The following HACD3 variants were observed in gnomAD, a reference collection of about 807,000 sequenced individuals.
The protein encoded by HACD3 is very-long-chain (3R)-3-hydroxyacyl-CoA dehydratase 3.
A neutral mutation model predicts 55.2 loss-of-function variants in HACD3; 30 were observed. The observed-to-expected ratio is 0.54, with a 90% CI of 0.41 to 0.74. The LOEUF (loss-of-function observed/expected upper bound fraction) is 0.74, where lower values mean the gene tolerates loss of function less well. HACD3 is among the 30% of genes least tolerant of loss of function. HACD3 has a pLI of 0.00. For synonymous variants in HACD3, 141 were observed against 151.7 expected (o/e 0.93, Z 0.52); for missense variants, 363 against 440.1 (o/e 0.82, Z 1.57).
At chr15:65,545,715 A>T (rs956063884) in intron 1 of HACD3, among the ~76,000 whole-genome samples, 4 of 151,586 alleles carry the variant, frequency 2.6e-5, no homozygotes, top group African/African-American at 4.8e-5. Context: ...CGGCCTCCCA[A>T]AGTGCTGGGA....
At chr15:65,530,809 G>A in intron 1 of HACD3, 91 bp downstream of exon 1, 1 of 1,274,984 alleles carries the variant, frequency 7.8e-7, no homozygotes, top group Non-Finnish European at 1.1e-6. Flanking sequence ...CGTGCGCGCC[G>A]GAGAGCCTGC....
At chr15:65,540,598 A>G (rs2072010870) in intron 1 of HACD3, among the ~76,000 whole-genome samples, 1 of 152,184 alleles carries the variant, frequency 6.6e-6, no homozygotes, top group Admixed American at 6.5e-5. Flanking sequence ...AGGAGCAGAA[A>G]GGATATTAGT....
In HACD3 at chr15:65,545,943, C is replaced by A. The variant is rs1596207650; in HGVS notation, c.88-5733C>A. 3.3e-5 allele frequency among the ~76,000 whole-genome samples: 5 copies of A among 152,330 alleles called. No homozygotes were observed. The South Asian group carries it at 1.0e-3, about 32-fold the overall frequency. On this transcript the variant is annotated intron_variant, in intron 1 of 10. Coordinates refer to ENST00000261875, the MANE Select transcript of HACD3 (RefSeq NM_016395.4). ...CTCTTTGTAAGAGAACTGCCAGCTTCCGCTTCTTCTCTCTTAGACCACTTG... is the reference window on the plus strand; with the variant it reads ...CTCTTTGTAAGAGAACTGCCAGCTTACGCTTCTTCTCTCTTAGACCACTTG...
At chr15:65,540,200 T>C (rs1224278431) in intron 1 of HACD3, among the ~76,000 whole-genome samples, 2 of 152,192 alleles carry the variant, frequency 1.3e-5, no homozygotes, top group Non-Finnish European at 2.9e-5. Flanking sequence ...ATTACCACAG[T>C]ACAAAAACTA....
At chr15:65,555,174 A>G (rs1630765) in intron 3 of HACD3, among the ~76,000 whole-genome samples, 143,136 of 152,154 alleles carry the variant, frequency 0.94, 67,329 homozygotes, top group Admixed American at 0.96. Context: ...ATTTATTAGC[A>G]GTGTGATCTT....
chr15:65,535,988 C>T (rs1004448341), intron 1 of HACD3, among the ~76,000 whole-genome samples: 1 of 151,842 alleles, frequency 6.6e-6, no homozygotes, highest in African/African-American at 2.4e-5. Context: ...CTGTGCCTAG[C>T]CTTGATGTTA....
At chr15:65,544,925 G>T (rs910293064) in intron 1 of HACD3, among the ~76,000 whole-genome samples, 7 of 151,970 alleles carry the variant, frequency 4.6e-5, no homozygotes, top group Non-Finnish European at 1.0e-4. Flanking sequence ...GGAGGCTGAG[G>T]CAGGAGAATT....
intron 5 of HACD3, among the ~76,000 whole-genome samples, chr15:65,560,517 G>T (rs1382219503): frequency 6.6e-6 from 1 of 152,190 alleles, no homozygotes; most frequent in Non-Finnish European, 1.5e-5. Flanking sequence ...CCCAGATCAG[G>T]CCAAGTATGA....
At chr15:65,558,879 T>A in intron 5 of HACD3, 148 bp downstream of exon 5, 2 of 865,048 alleles carry the variant, frequency 2.3e-6, no homozygotes, top group Non-Finnish European at 3.7e-6. Context: ...GTCCAGTGCT[T>A]AAGGTCTGCA....
At chr15:65,559,807 T>A (rs1001437611) in intron 5 of HACD3, among the ~76,000 whole-genome samples, 5 of 152,138 alleles carry the variant, frequency 3.3e-5, no homozygotes, top group Admixed American at 3.3e-4. Flanking sequence ...TTTAAATTAA[T>A]GTTTTGGTGT....
rs1357373984 is a variant in HACD3 at position 65,556,859 on chromosome 15, C to A, written c.325C>A (p.Arg109Ser). ...ACTGTTTTTGGCTCCTGACTTTGAT[C>A]GTTGGCTGGATGAATCTGATGCGGA... ...RPLFLAPDFD[R>S]WLDESDAEME... The change falls in exon 4 of 11, where the codon CGT (arginine) becomes AGT (serine). Residue 109 changes from arginine to serine, a missense_variant. By Grantham distance (110) the Arg-to-Ser change is moderately radical (BLOSUM62 -1). Coordinates refer to ENST00000261875, the MANE Select transcript of HACD3 (RefSeq NM_016395.4). 6.2e-7 allele frequency: 1 copy of A among 1,612,990 alleles called. No individual in the cohort carries two copies. Among genetic ancestry groups the A allele is most frequent in the Non-Finnish European group, 8.5e-7 (1 of 1,179,444 alleles).
chr15:65,578,057 T>C lies in HACD3; in HGVS notation c.*1678T>C, dbSNP rs1434046915. 3 of 152,438 alleles carry C rather than the reference T, an allele frequency of 2.0e-5. No homozygotes were observed. The East Asian group carries it at 5.8e-4, about 29-fold the overall frequency. The allele number at this position is 152,438 out of a possible 1,614,324, so 9.4% of individuals were successfully genotyped here. ...TAATACTATTTCACTGAGCCCAAGA[T>C]GGAAACTTGGTTTGACCTAAAACAT... On this transcript the variant is annotated 3_prime_UTR_variant, in exon 11 of 11. Transcript: ENST00000261875.
chr15:65,556,412 G>A (rs1220916230), intron 3 of HACD3, among the ~76,000 whole-genome samples: 1 of 152,152 alleles, frequency 6.6e-6, no homozygotes, highest in African/African-American at 2.4e-5. Flanking sequence ...TGAATCTTGT[G>A]CCAATGCTGA....
At chr15:65,555,953 TC>T (rs2072184960) in intron 3 of HACD3, among the ~76,000 whole-genome samples, 1 of 152,088 alleles carries the variant, frequency 6.6e-6, no homozygotes, top group Non-Finnish European at 1.5e-5. Context: ...TCATGCTAGT[TC>T]CCTCCAGCCT....
intron 5 of HACD3, among the ~76,000 whole-genome samples, chr15:65,561,589 C>T (rs796607067): frequency 1.3e-5 from 2 of 152,252 alleles, no homozygotes; most frequent in Admixed American, 6.5e-5. Context: ...AACACTACAA[C>T]ACTCAACTGC....
intron 1 of HACD3, among the ~76,000 whole-genome samples, chr15:65,542,858 G>A (rs987550740): frequency 6.6e-6 from 1 of 151,904 alleles, no homozygotes; most frequent in Non-Finnish European, 1.5e-5. Flanking sequence ...GGCAGATGAC[G>A]AGGTCAAGAG....
At chr15:65,532,364 G>A (rs1300873591) in intron 1 of HACD3, among the ~76,000 whole-genome samples, 1 of 152,160 alleles carries the variant, frequency 6.6e-6, no homozygotes, top group East Asian at 1.9e-4. Context: ...TGTGGCTCAC[G>A]CCTGTAATGC....
chr15:65,568,800 C>T (rs1351269437), intron 7 of HACD3, among the ~76,000 whole-genome samples: 1 of 152,142 alleles, frequency 6.6e-6, no homozygotes, highest in East Asian at 1.9e-4. Context: ...GCTAATACCA[C>T]GTTGTATGGT....
intron 2 of HACD3, among the ~76,000 whole-genome samples, chr15:65,554,301 C>T (rs191788535): frequency 1.3e-5 from 2 of 152,228 alleles, no homozygotes; most frequent in East Asian, 3.9e-4. Context: ...ATCAGGGTCA[C>T]AGTGGAAGAT....
Sources: allele counts gnomAD v4.1 joint callset (sites outside exome capture counted in the v4.1 genomes callset), GRCh38; gene constraint gnomAD v4.1.1; transcripts MANE v1.5; gene names NCBI Gene and HGNC (gene_info 2026-07-23, HGNC 2026-07-21).